FHIT: variants seen among roughly 807,000 people sequenced by gnomAD.
The protein encoded by FHIT is fragile histidine triad diadenosine triphosphatase.
A neutral mutation model predicts 17.9 loss-of-function variants in FHIT; 19 were observed. That is an observed-to-expected ratio of 1.06 (90% CI 0.74 to 1.56). FHIT has a LOEUF of 1.56. FHIT is among the 40% of genes most tolerant of loss of function. The pLI, the probability that FHIT is intolerant of heterozygous loss-of-function variation, is 0.00. For synonymous variants in FHIT, 81 were observed against 69.7 expected, an observed-to-expected ratio of 1.16 and a Z score of -0.81; for missense variants, 248 against 189.2, an observed-to-expected ratio of 1.31 and a Z score of -1.82.
chr3:60,090,862 TG>T (rs1466050416), intron 5 of FHIT, among the ~76,000 whole-genome samples: 1 of 152,176 alleles, frequency 6.6e-6, no homozygotes, highest in Non-Finnish European at 1.5e-5. Flanking sequence ...GTCTGAGCTC[TG>T]GGGTCGGGGT....
At chr3:60,377,041 T>A (rs1410053955) in intron 5 of FHIT, among the ~76,000 whole-genome samples, 2 of 152,142 alleles carry the variant, frequency 1.3e-5, no homozygotes, top group African/African-American at 4.8e-5. Context: ...ATATCTTTCA[T>A]CATGAAACTC....
chr3:60,598,106 C>A (rs545464192), intron 4 of FHIT, among the ~76,000 whole-genome samples: 5 of 152,086 alleles, frequency 3.3e-5, no homozygotes, highest in Admixed American at 6.6e-5. Flanking sequence ...CACCCACCAT[C>A]GAAGTTAGAT....
intron 5 of FHIT, among the ~76,000 whole-genome samples, chr3:60,283,154 T>C (rs1707544213): frequency 6.6e-6 from 1 of 152,012 alleles, no homozygotes; most frequent in Non-Finnish European, 1.5e-5. Context: ...TTAGATGGCA[T>C]TCATAAGCAA....
At chr3:59,770,121 CATG>C (rs1189203078) in intron 8 of FHIT, among the ~76,000 whole-genome samples, 1 of 152,288 alleles carries the variant, frequency 6.6e-6, no homozygotes, top group South Asian at 2.1e-4. Flanking sequence ...TGAACGAGGG[CATG>C]ATAAGTTCCC....
At chr3:60,730,177 G>A (rs1553710765) in intron 4 of FHIT, 5 of 405,246 alleles carry the variant, frequency 1.2e-5, no homozygotes, top group Admixed American at 3.0e-5. Flanking sequence ...GTCACTAATG[G>A]CTCTGTGTAT....
intron 8 of FHIT, among the ~76,000 whole-genome samples, chr3:59,895,704 A>T (rs529492689): frequency 1.3e-5 from 2 of 152,328 alleles, no homozygotes; most frequent in African/African-American, 4.8e-5. Flanking sequence ...CTAATGAGTC[A>T]CTTTGCTTTT....
intron 3 of FHIT, among the ~76,000 whole-genome samples, chr3:60,891,179 G>A (rs1182242192): frequency 6.6e-6 from 1 of 152,140 alleles, no homozygotes; most frequent in African/African-American, 2.4e-5. Context: ...ACAGGCTACT[G>A]CTACTTTATA....
At chr3:61,102,126 T>G (rs1185178397) in intron 2 of FHIT, among the ~76,000 whole-genome samples, 2 of 152,216 alleles carry the variant, frequency 1.3e-5, no homozygotes, top group East Asian at 3.8e-4. Context: ...CATCCTTGTC[T>G]TGTGCCAGTT....
At chr3:59,952,209 A>T (rs1707150322) in intron 7 of FHIT, among the ~76,000 whole-genome samples, 2 of 152,086 alleles carry the variant, frequency 1.3e-5, no homozygotes, top group Admixed American at 6.6e-5. Flanking sequence ...CGTATAAATG[A>T]TTTCACATCC....
intron 5 of FHIT, among the ~76,000 whole-genome samples, chr3:60,315,891 C>T (rs1709144262): frequency 6.6e-6 from 1 of 152,152 alleles, no homozygotes; most frequent in African/African-American, 2.4e-5. Flanking sequence ...CAAAGAATTG[C>T]TCATCTGGGC....
intron 5 of FHIT, among the ~76,000 whole-genome samples, chr3:60,222,459 A>C (rs2107535770): frequency 6.6e-6 from 1 of 152,232 alleles, no homozygotes; most frequent in South Asian, 2.1e-4. Flanking sequence ...ACTAAGCATT[A>C]GGTTGGTGCA....
intron 4 of FHIT, among the ~76,000 whole-genome samples, chr3:60,704,252 A>G (rs1469474726): frequency 6.6e-6 from 1 of 152,218 alleles, no homozygotes; most frequent in Non-Finnish European, 1.5e-5. Context: ...TTTGTCTTCA[A>G]GTCATTTACT....
intron 5 of FHIT, among the ~76,000 whole-genome samples, chr3:60,311,994 A>T (rs1429217672): frequency 6.6e-6 from 1 of 152,168 alleles, no homozygotes; most frequent in Non-Finnish European, 1.5e-5. Flanking sequence ...TTATAAAATC[A>T]ATTTAGTGGG....
intron 5 of FHIT, among the ~76,000 whole-genome samples, chr3:60,415,907 T>C (rs949828199): frequency 1.4e-5 from 1 of 70,742 alleles, no homozygotes; most frequent in Non-Finnish European, 3.4e-5. Flanking sequence ...ACAATATAAT[T>C]ATATATAACA....
At chr3:61,186,436 A>G (rs1420636527) in intron 2 of FHIT, among the ~76,000 whole-genome samples, 1 of 152,220 alleles carries the variant, frequency 6.6e-6, no homozygotes, top group Non-Finnish European at 1.5e-5. Context: ...CCCAGGAAGG[A>G]GGAATACAGT....
At position 60,382,174 on chromosome 3, in the gene FHIT, T is replaced by C. The variant is rs554974490; in HGVS notation, c.103+154686A>G. 4.6e-5 allele frequency among the ~76,000 whole-genome samples: 7 copies of C among 152,306 alleles called. No homozygotes were observed. In the East Asian group the frequency reaches 1.4e-3, roughly 29 times the overall value. ...CCTCACATGTACACCTACTTAATTTTAATTGGCATCCTGGAGTAGAAAAAA... is the reference window on the plus strand; with the variant it reads ...CCTCACATGTACACCTACTTAATTTCAATTGGCATCCTGGAGTAGAAAAAA... On this transcript the variant is annotated intron_variant, in intron 5 of 9. Coordinates refer to ENST00000492590, the MANE Select transcript of FHIT (RefSeq NM_002012.4).
chr3:60,931,787 G>C (rs1412484171), intron 3 of FHIT, among the ~76,000 whole-genome samples: 1 of 152,204 alleles, frequency 6.6e-6, no homozygotes, highest in Non-Finnish European at 1.5e-5. Context: ...TTTTTAAAGA[G>C]CATATATAAA....
At chr3:60,355,138 T>C (rs1242857568) in intron 5 of FHIT, among the ~76,000 whole-genome samples, 3 of 152,196 alleles carry the variant, frequency 2.0e-5, no homozygotes, top group Non-Finnish European at 4.4e-5. Context: ...ATACACAGAA[T>C]AAATGTTTTT....
intron 8 of FHIT, among the ~76,000 whole-genome samples, chr3:59,918,449 G>C (rs1242976438): frequency 6.6e-6 from 1 of 152,098 alleles, no homozygotes; most frequent in Non-Finnish European, 1.5e-5. Flanking sequence ...TGAAATCAGA[G>C]AACAGTGAAA....
Sources: allele counts gnomAD v4.1 joint callset (sites outside exome capture counted in the v4.1 genomes callset), GRCh38; gene constraint gnomAD v4.1.1; transcripts MANE v1.5; gene names NCBI Gene and HGNC (gene_info 2026-07-23, HGNC 2026-07-21).